The following FRMD3 variants were observed in gnomAD, a reference collection of about 807,000 sequenced individuals.
The protein encoded by FRMD3 is FERM domain-containing protein 3.
In FRMD3, 33 loss-of-function variants were observed where a neutral mutation model predicts 70.2. The ratio of observed to expected loss-of-function variants is 0.47; its 90% CI spans 0.36 to 0.63. The LOEUF is 0.63. FRMD3 is among the 20% of genes least tolerant of loss of function. FRMD3 has a pLI of 0.00. For synonymous variants in FRMD3, 279 were observed against 255.9 expected (o/e 1.09, Z -0.86); for missense variants, 632 against 711.4 (o/e 0.89, Z 1.27).
At chr9:83,580,337 C>T in the FRMD3 span, among the ~76,000 whole-genome samples, 1 of 152,114 alleles carries the variant, frequency 6.6e-6, no homozygotes, top group South Asian at 2.1e-4. Context: ...TACTCCCATA[C>T]TCCCAATAGC....
chr9:83,485,835 C>A (rs1315674233), intron 1 of FRMD3, among the ~76,000 whole-genome samples: 1 of 152,108 alleles, frequency 6.6e-6, no homozygotes, highest in Non-Finnish European at 1.5e-5. Context: ...GATTGCTTAT[C>A]TGTAAAAATT....
chr9:83,452,741 CA>C (rs1827702879), intron 1 of FRMD3, among the ~76,000 whole-genome samples: 1 of 152,130 alleles, frequency 6.6e-6, no homozygotes, highest in African/African-American at 2.4e-5. Context: ...CTCGGCCTCC[CA>C]AAGTGCTAGG....
intron 1 of FRMD3, among the ~76,000 whole-genome samples, chr9:83,495,555 T>C (rs1367208389): frequency 6.6e-5 from 10 of 152,190 alleles, no homozygotes; most frequent in African/African-American, 2.2e-4. Flanking sequence ...GCTGGAGTTA[T>C]TACGTATTAT....
At chr9:83,264,627 T>C (rs1375221736) in intron 13 of FRMD3, among the ~76,000 whole-genome samples, 1 of 152,174 alleles carries the variant, frequency 6.6e-6, no homozygotes, top group Admixed American at 6.5e-5. Flanking sequence ...AAAATCATTC[T>C]AAAAGTATAA....
At chr9:83,464,373 C>T (rs1203364922) in intron 1 of FRMD3, among the ~76,000 whole-genome samples, 1 of 152,136 alleles carries the variant, frequency 6.6e-6, no homozygotes, top group Non-Finnish European at 1.5e-5. Flanking sequence ...GGTTCAGGAA[C>T]CAGCAATCTA....
rs774701784 is a variant in FRMD3 at position 83,335,581 on chromosome 9, C to T, written c.531G>A (p.Glu177=). Residue 177 remains glutamate (E), a synonymous_variant, in exon 6 of 14, where the codon GAG becomes GAA. Transcript: ENST00000304195. ...EHPENYISEF[E]IFPKQSQKLE... is the part of the protein sequence containing the mutation. ...GCTTCTGTGACTGCTTGGGGAAAAT[C>T]TCAAACTCACTGATGTAATTCTCAG... 6.2e-7 allele frequency: 1 copy of T among 1,613,116 alleles called. No homozygotes were observed. Among genetic ancestry groups the T allele is most frequent in the Non-Finnish European group, 8.5e-7 (1 of 1,179,252 alleles).
chr9:83,582,457 T>A, the FRMD3 span, among the ~76,000 whole-genome samples: 1 of 152,204 alleles, frequency 6.6e-6, no homozygotes, highest in Admixed American at 6.5e-5. Context: ...TGTTTTACTG[T>A]GGATAATTTA....
At chr9:83,315,504 C>T (rs554721227) in intron 6 of FRMD3, among the ~76,000 whole-genome samples, 1 of 152,224 alleles carries the variant, frequency 6.6e-6, no homozygotes, top group African/African-American at 2.4e-5. Flanking sequence ...CCTTGCTGTT[C>T]TCGGGATAGT....
chr9:83,339,615 A>G (rs1357093595), intron 5 of FRMD3, among the ~76,000 whole-genome samples: 4 of 152,122 alleles, frequency 2.6e-5, no homozygotes, highest in East Asian at 1.9e-4. Context: ...TCCAGGGCCA[A>G]CTCCTTCAGG....
At chr9:83,545,986 C>A in the FRMD3 span, among the ~76,000 whole-genome samples, 1 of 151,782 alleles carries the variant, frequency 6.6e-6, no homozygotes, top group Non-Finnish European at 1.5e-5. Flanking sequence ...AAAGGAAATC[C>A]CATCACACTA....
At chr9:83,534,198 C>T (rs1331436779) in intron 1 of FRMD3, among the ~76,000 whole-genome samples, 1 of 152,160 alleles carries the variant, frequency 6.6e-6, no homozygotes, top group African/African-American at 2.4e-5. Flanking sequence ...CCTTTACTCC[C>T]TGTCTATTTG....
At position 83,429,220 on chromosome 9, in the gene FRMD3, C is replaced by T. The variant is rs539132094; in HGVS notation, c.148-39512G>A. Among the ~76,000 whole-genome samples the T allele has an allele frequency of 6.6e-5, 10 of 152,226 alleles. No individual in the cohort carries two copies. The East Asian group carries it at 1.7e-3, about 27-fold the overall frequency. The stretch of plus-strand genomic sequence containing the variant: ...ATCAGCTTCCAGAGCTGATGCCTCC[C>T]GTCACATCTGAAGCTCTCCTACTGT... On this transcript the variant is annotated intron_variant, in intron 1 of 13. Transcript: ENST00000304195.
At chr9:83,447,331 G>T (rs1827509237) in intron 1 of FRMD3, among the ~76,000 whole-genome samples, 2 of 152,116 alleles carry the variant, frequency 1.3e-5, no homozygotes, top group African/African-American at 4.8e-5. Flanking sequence ...CCAGATCAGG[G>T]TTTCTAAGTC....
the FRMD3 span, among the ~76,000 whole-genome samples, chr9:83,583,228 CA>C: frequency 2.9e-4 from 44 of 152,122 alleles, no homozygotes; most frequent in Middle Eastern, 3.4e-3. Flanking sequence ...TAAGTTGCTT[CA>C]AAAAAATAAC....
intron 12 of FRMD3, among the ~76,000 whole-genome samples, chr9:83,291,899 G>A (rs949886301): frequency 6.6e-6 from 1 of 152,146 alleles, no homozygotes; most frequent in African/African-American, 2.4e-5. Context: ...AGCAGGAGTG[G>A]GGAACAGCAA....
At chr9:83,565,508 T>C in the FRMD3 span, among the ~76,000 whole-genome samples, 2 of 152,290 alleles carry the variant, frequency 1.3e-5, no homozygotes, top group African/African-American at 4.8e-5. Flanking sequence ...TAGAGCCTCA[T>C]TGTTAGCCAT....
At chr9:83,433,373 G>A (rs11140088) in intron 1 of FRMD3, among the ~76,000 whole-genome samples, 83,434 of 151,894 alleles carry the variant, frequency 0.55, 23,506 homozygotes, top group African/African-American at 0.69. Context: ...AGAGAAGGGG[G>A]ATTAGGCCTT....
intron 5 of FRMD3, among the ~76,000 whole-genome samples, chr9:83,335,916 C>T (rs1394671608): frequency 6.6e-6 from 1 of 152,004 alleles, no homozygotes; most frequent in African/African-American, 2.4e-5. Flanking sequence ...GTGGGGACAC[C>T]ATTGGCATTT....
At chr9:83,566,436 T>A in the FRMD3 span, among the ~76,000 whole-genome samples, 1,701 of 152,240 alleles carry the variant, frequency 0.011, 31 homozygotes, top group African/African-American at 0.039. Flanking sequence ...GCAAATCTCA[T>A]GTCCTCATAT....
Sources: allele counts gnomAD v4.1 joint callset (sites outside exome capture counted in the v4.1 genomes callset), GRCh38; gene constraint gnomAD v4.1.1; transcripts MANE v1.5; gene names NCBI Gene and HGNC (gene_info 2026-07-23, HGNC 2026-07-21).